Variants in TRPM3 observed in about 807,000 individuals in gnomAD.
TRPM3 encodes long transient receptor potential channel 3.
In TRPM3, 77 loss-of-function variants were observed where a neutral mutation model predicts 181.2. That is an observed-to-expected ratio of 0.42 (90% CI 0.35 to 0.51). TRPM3 has a LOEUF of 0.51. TRPM3 is among the 20% of genes least tolerant of loss of function. The pLI is 0.01. For missense variants in TRPM3, 1,759 were observed against 2,196.7 expected (o/e 0.80, Z 3.98); for synonymous variants, 745 against 796.4 (o/e 0.94, Z 1.09).
intron 1 of TRPM3, among the ~76,000 whole-genome samples, chr9:71,385,571 T>G (rs565407063): frequency 3.2e-4 from 48 of 152,326 alleles, no homozygotes; most frequent in Non-Finnish European, 6.3e-4. Context: ...ACAATCATGT[T>G]GCAACCAGAC....
chr9:70,751,207 T>A (rs1370838980), intron 8 of TRPM3, among the ~76,000 whole-genome samples: 1 of 151,810 alleles, frequency 6.6e-6, no homozygotes, highest in African/African-American at 2.4e-5. Flanking sequence ...GCAGAAAAGC[T>A]GAAAATAAAA....
intron 19 of TRPM3, 24 bp downstream of exon 19, chr9:70,610,585 A>AAGG (rs1388765892): frequency 2.5e-6 from 4 of 1,607,926 alleles, no homozygotes. Flanking sequence ...ATCCACTAGG[A>AAGG]AGGAGAAAAG....
intron 1 of TRPM3, among the ~76,000 whole-genome samples, chr9:70,932,921 G>T (rs944882223): frequency 2.0e-5 from 3 of 152,134 alleles, no homozygotes; most frequent in Admixed American, 2.0e-4. Context: ...TAGGCTAGAG[G>T]TACTTTGATG....
intron 8 of TRPM3, among the ~76,000 whole-genome samples, chr9:70,740,770 A>G (rs1341558943): frequency 6.6e-6 from 1 of 152,198 alleles, no homozygotes; most frequent in East Asian, 1.9e-4. Flanking sequence ...CATGTAGAAG[A>G]ATGAAACTGG....
At chr9:70,623,236 C>T (rs1399672864) in intron 14 of TRPM3, among the ~76,000 whole-genome samples, 2 of 151,940 alleles carry the variant, frequency 1.3e-5, no homozygotes, top group Non-Finnish European at 2.9e-5. Flanking sequence ...TGTAGTCGCA[C>T]ATGCCTGTAA....
At chr9:71,411,533 C>T (rs2093549904) in intron 1 of TRPM3, among the ~76,000 whole-genome samples, 1 of 152,132 alleles carries the variant, frequency 6.6e-6, no homozygotes, top group Admixed American at 6.5e-5. Context: ...ACCTAGGAAT[C>T]CAACTTACAA....
chr9:70,681,356 G>C lies in TRPM3; in HGVS notation c.1345+150C>G, dbSNP rs1356901189. 4 of 623,186 alleles carry C rather than the reference G, an allele frequency of 6.4e-6. No individual in the cohort carries two copies. In the Admixed American group the frequency reaches 1.2e-4, roughly 19 times the overall value. 38.6% of individuals were successfully genotyped at this position (623,186 alleles called of 1,614,324 possible). Reference sequence around the variant, plus strand: ...TCTATTCTAGGAGAATTTAATAGCAGTAACTGTCTTACAGGAGAGACCCCT... The same window carrying C: ...TCTATTCTAGGAGAATTTAATAGCACTAACTGTCTTACAGGAGAGACCCCT... On this transcript the variant is annotated intron_variant, in intron 9 of 25. Coordinates refer to ENST00000677713, the MANE Select transcript of TRPM3 (RefSeq NM_001366145.2).
At chr9:70,611,715 G>T (rs536666446) in intron 18 of TRPM3, among the ~76,000 whole-genome samples, 1 of 152,302 alleles carries the variant, frequency 6.6e-6, no homozygotes, top group African/African-American at 2.4e-5. Flanking sequence ...ATTACTGCTG[G>T]TACTAGTTTT....
chr9:70,901,087 A>T (rs556637077), intron 1 of TRPM3, among the ~76,000 whole-genome samples: 4 of 152,340 alleles, frequency 2.6e-5, no homozygotes, highest in Admixed American at 6.5e-5. Flanking sequence ...CAGGAGGAAT[A>T]GGATAGCCTA....
At position 70,575,209 on chromosome 9, in the gene TRPM3, C is replaced by A. The variant is rs146097689; in HGVS notation, c.3223+15822G>T. Among the ~76,000 whole-genome samples the A allele has an allele frequency of 6.7e-3, 1,001 of 150,510 alleles. 2 individuals carry two copies. Among genetic ancestry groups the A allele is most frequent in the Non-Finnish European group, 0.011 (727 of 67,852 alleles). The stretch of plus-strand genomic sequence containing the variant: ...ATCCTCCCTCCTCATTTTAAATGAA[C>A]ATAAATGGAGCAGAGAAGCCTAGAA... On this transcript the variant is annotated intron_variant, in intron 22 of 25. Transcript: ENST00000677713.
intron 7 of TRPM3, chr9:70,783,858 C>G: frequency 8.5e-7 from 1 of 1,178,410 alleles, no homozygotes; most frequent in Non-Finnish European, 1.1e-6. Flanking sequence ...CCTATGACCT[C>G]CTCTCTTTTC....
At chr9:70,815,429 A>C (rs1301057068) in intron 6 of TRPM3, among the ~76,000 whole-genome samples, 1 of 152,230 alleles carries the variant, frequency 6.6e-6, no homozygotes, top group Non-Finnish European at 1.5e-5. Flanking sequence ...AGGGGCAGCC[A>C]AATTGTCTTC....
intron 1 of TRPM3, among the ~76,000 whole-genome samples, chr9:71,355,819 C>T (rs1293854471): frequency 1.4e-5 from 2 of 144,296 alleles, no homozygotes; most frequent in African/African-American, 2.5e-5. Context: ...ATTTTCACCA[C>T]AGTAAAACAC....
At position 71,134,030 on chromosome 9, in the gene TRPM3, CGCGT is replaced by C. The variant is rs1565261467; in HGVS notation, c.184-269523_184-269520del. On this transcript the variant is annotated intron_variant, in intron 1 of 24. Coordinates refer to the TRPM3 transcript ENST00000357533. ...GTGTGTGTGTGCGCGTGCGCGCGCG[CGCGT>C]GTCTGTGTTTGCATCTCAATCTCTC... Among the ~76,000 whole-genome samples the C allele has an allele frequency of 4.9e-4, 74 of 150,376 alleles. 1 individual carries two copies. Among genetic ancestry groups the C allele is most frequent in the African/African-American group, 1.4e-3 (56 of 40,940 alleles).
chr9:70,837,518 T>C (rs937825547), intron 5 of TRPM3, among the ~76,000 whole-genome samples: 1 of 152,208 alleles, frequency 6.6e-6, no homozygotes, highest in African/African-American at 2.4e-5. Context: ...GTCTTTTGAT[T>C]ATGTCTGGGT....
intron 24 of TRPM3, among the ~76,000 whole-genome samples, chr9:70,550,210 G>A (rs1269545089): frequency 2.0e-5 from 3 of 152,196 alleles, no homozygotes; most frequent in Non-Finnish European, 2.9e-5. Flanking sequence ...CTGCAGGGAG[G>A]AGTGGTGTCT....
intron 22 of TRPM3, among the ~76,000 whole-genome samples, chr9:70,557,265 C>T (rs2047941129): frequency 1.3e-5 from 2 of 152,152 alleles, no homozygotes; most frequent in Non-Finnish European, 2.9e-5. Context: ...GTCTGGTAGT[C>T]AGGACCAGCC....
rs111659614 is a variant in TRPM3 at position 70,536,264 on chromosome 9, G to C, written c.4849C>G (p.Arg1617Gly). The change falls in exon 26 of 26, where the codon CGC (arginine) becomes GGC (glycine). Residue 1617 changes from arginine (R) to glycine (G), a missense_variant. Transcript: ENST00000677713. ...GAGGATATTGCAATGGTGGCTCTGC[G>C]GCCTTTGGCCTCATTCTCCTCACTG... ...SDSEENEAKG[R>G]RATIAISSQE... 1.9e-6 allele frequency: 3 copies of C among 1,614,030 alleles called. No homozygotes were observed. The African/African-American group carries it at 4.0e-5, about 22-fold the overall frequency.
intron 1 of TRPM3, among the ~76,000 whole-genome samples, chr9:71,192,547 T>C (rs555102785): frequency 5.9e-5 from 9 of 152,048 alleles, no homozygotes; most frequent in African/African-American, 2.2e-4. Flanking sequence ...TGTTGGCTAT[T>C]TGTATGCCTT....
Sources: allele counts gnomAD v4.1 joint callset (sites outside exome capture counted in the v4.1 genomes callset), GRCh38; gene constraint gnomAD v4.1.1; transcripts MANE v1.5; gene names NCBI Gene and HGNC (gene_info 2026-07-23, HGNC 2026-07-21).